NRG3: variants seen among roughly 807,000 people sequenced by gnomAD.
The protein encoded by NRG3 is pro-neuregulin-3, membrane-bound isoform.
In NRG3, 31 loss-of-function variants were observed where a neutral mutation model predicts 66.9. The observed-to-expected ratio is 0.46, with a 90% confidence interval of 0.35 to 0.63. The LOEUF (loss-of-function observed/expected upper bound fraction) is 0.63. Among genes scored for constraint, NRG3 ranks in the 20% least tolerant of loss-of-function variants. The pLI, the probability that NRG3 is intolerant of heterozygous loss-of-function variation, is 0.00. For synonymous variants in NRG3, 393 were observed against 359.4 expected (o/e 1.09, Z -1.06); for missense variants, 910 against 878.9 (o/e 1.04, Z -0.45).
intron 2 of NRG3, among the ~76,000 whole-genome samples, chr10:82,738,351 A>C (rs1485853683): frequency 2.6e-5 from 4 of 152,224 alleles, no homozygotes; most frequent in African/African-American, 9.6e-5. Flanking sequence ...TAGATATTGC[A>C]TATCAAACTA....
At chr10:82,227,102 T>A (rs372565005) in intron 1 of NRG3, among the ~76,000 whole-genome samples, 2 of 152,270 alleles carry the variant, frequency 1.3e-5, no homozygotes, top group East Asian at 3.9e-4. Context: ...TCTCTCATGG[T>A]CCAGACATGA....
At chr10:82,086,603 T>G (rs529846643) in intron 1 of NRG3, among the ~76,000 whole-genome samples, 1 of 152,240 alleles carries the variant, frequency 6.6e-6, no homozygotes, top group African/African-American at 2.4e-5. Flanking sequence ...GAAATAACCA[T>G]CATCAAGGTG....
chr10:82,403,183 A>G (rs978785752), intron 2 of NRG3, among the ~76,000 whole-genome samples: 12 of 152,110 alleles, frequency 7.9e-5, no homozygotes, highest in Non-Finnish European at 1.8e-4. Context: ...AAAAGCATTG[A>G]CTTAATGATG....
At chr10:82,166,870 AT>A (rs567842322) in intron 1 of NRG3, 9 of 618,158 alleles carry the variant, frequency 1.5e-5, no homozygotes, top group South Asian at 7.6e-5. Context: ...ACTGAAAGGT[AT>A]TTTTTTCTCA....
At chr10:82,516,321 T>G (rs1405720810) in intron 2 of NRG3, among the ~76,000 whole-genome samples, 1 of 152,132 alleles carries the variant, frequency 6.6e-6, no homozygotes, top group Non-Finnish European at 1.5e-5. Context: ...TCCCTTTCCA[T>G]CTATCTAGGA....
intron 2 of NRG3, among the ~76,000 whole-genome samples, chr10:82,643,331 C>T (rs2050710163): frequency 6.6e-6 from 1 of 151,804 alleles, no homozygotes; most frequent in South Asian, 2.1e-4. Flanking sequence ...CCTGCAGAAG[C>T]TCTCTCTCTC....
At chr10:82,095,754 C>T (rs905877712) in intron 1 of NRG3, among the ~76,000 whole-genome samples, 1 of 152,194 alleles carries the variant, frequency 6.6e-6, no homozygotes, top group Admixed American at 6.5e-5. Flanking sequence ...TCACTCTTCC[C>T]TCTCTGGGAA....
chr10:82,516,075 A>G (rs577999824), intron 2 of NRG3, among the ~76,000 whole-genome samples: 1 of 152,224 alleles, frequency 6.6e-6, no homozygotes, highest in East Asian at 1.9e-4. Context: ...GCCAATCACA[A>G]TGGGAAGCCT....
intron 4 of NRG3, among the ~76,000 whole-genome samples, chr10:82,887,435 C>A (rs1842821494): frequency 6.6e-6 from 1 of 152,170 alleles, no homozygotes; most frequent in African/African-American, 2.4e-5. Context: ...GTTTTCCAAT[C>A]CCTGCTGTAT....
chr10:82,898,113 A>C (rs910195451), intron 4 of NRG3, among the ~76,000 whole-genome samples: 2 of 152,154 alleles, frequency 1.3e-5, no homozygotes, highest in Admixed American at 1.3e-4. Flanking sequence ...AGCAACCCTC[A>C]ACCAATGAGA....
At chr10:82,119,319 GTCTC>G (rs1200460459) in intron 1 of NRG3, among the ~76,000 whole-genome samples, 2 of 152,062 alleles carry the variant, frequency 1.3e-5, no homozygotes, top group African/African-American at 2.4e-5. Flanking sequence ...CTTGAAATTT[GTCTC>G]TCTCTTTCTT....
At chr10:82,491,295 T>TATATATATATATATAC (rs202217910) in intron 2 of NRG3, among the ~76,000 whole-genome samples, 2 of 126,908 alleles carry the variant, frequency 1.6e-5, no homozygotes, top group African/African-American at 5.4e-5. Context: ...TCCCATAAAA[T>TATATATATATATATAC]ATATATATAT....
intron 2 of NRG3, among the ~76,000 whole-genome samples, chr10:82,412,374 C>T (rs1485593750): frequency 1.3e-5 from 2 of 152,082 alleles, no homozygotes; most frequent in African/African-American, 4.8e-5. Flanking sequence ...GTTATGTTTA[C>T]ACTATACTGT....
At chr10:82,383,421 C>CT (rs922998812) in intron 2 of NRG3, among the ~76,000 whole-genome samples, 39 of 118,468 alleles carry the variant, frequency 3.3e-4, no homozygotes, top group Middle Eastern at 3.9e-3. Flanking sequence ...TATGTTTTTC[C>CT]TTTTTTAAAA....
At chr10:82,962,901 A>C (rs1420030581) in intron 6 of NRG3, among the ~76,000 whole-genome samples, 1 of 152,148 alleles carries the variant, frequency 6.6e-6, no homozygotes, top group Non-Finnish European at 1.5e-5. Context: ...AGCCTTAAAA[A>C]TTGGTGAAAA....
intron 2 of NRG3, 34 bp from the exon 3 acceptor site, chr10:82,738,543 A>G: frequency 6.4e-7 from 1 of 1,554,322 alleles, no homozygotes; most frequent in Non-Finnish European, 8.9e-7. Flanking sequence ...TCACAACCAC[A>G]TGCGTATGTT....
intron 1 of NRG3, among the ~76,000 whole-genome samples, chr10:82,330,764 A>G (rs749501658): frequency 6.6e-6 from 1 of 152,216 alleles, no homozygotes; most frequent in Non-Finnish European, 1.5e-5. Flanking sequence ...CCAACTTAAC[A>G]TCTGAAATAT....
At chr10:82,907,920 G>A (rs1207160696) in intron 4 of NRG3, among the ~76,000 whole-genome samples, 1 of 152,122 alleles carries the variant, frequency 6.6e-6, no homozygotes, top group East Asian at 1.9e-4. Flanking sequence ...TGTCTTGAAA[G>A]CTTAGAACCT....
intron 4 of NRG3, among the ~76,000 whole-genome samples, chr10:82,922,017 CATT>C (rs1564632661): frequency 6.6e-6 from 1 of 151,934 alleles, no homozygotes; most frequent in African/African-American, 2.4e-5. Flanking sequence ...AAATATAAAT[CATT>C]GTTATCGTGT....
Sources: gnomAD v4.1 joint callset for allele counts (sites outside exome capture counted in the v4.1 genomes callset) on GRCh38, gnomAD v4.1.1 for gene constraint, MANE v1.5 for transcripts, NCBI Gene and HGNC (gene_info 2026-07-23, HGNC 2026-07-21) for gene names.